The following SERPINB7 variants were observed in gnomAD, a reference collection of about 807,000 sequenced individuals.
SERPINB7 encodes the protein serpin family B member 7, also known as serpin B7.
In SERPINB7, 31 loss-of-function variants were observed where a neutral mutation model predicts 37.4. The observed-to-expected ratio is 0.83, with a 90% CI of 0.62 to 1.12. SERPINB7 has a LOEUF of 1.12. Among genes scored for constraint, SERPINB7 ranks in the 50% most tolerant of loss-of-function variants. The pLI, the probability that SERPINB7 is intolerant of heterozygous loss-of-function variation, is 0.00. For missense variants in SERPINB7, 521 were observed against 455.3 expected (o/e 1.14, Z -1.31); for synonymous variants, 163 against 166.1 (o/e 0.98, Z 0.14).
chr18:63,795,588 A>AAAAAG (rs1555695595), intron 4 of SERPINB7, among the ~76,000 whole-genome samples: 3 of 151,872 alleles, frequency 2.0e-5, no homozygotes, highest in East Asian at 1.9e-4. Context: ...AAAAAAAAAA[A>AAAAAG]AAAAGAAAAG....
rs768942347 is a variant in SERPINB7 at position 63,800,920 on chromosome 18, G to A, written c.652G>A (p.Val218Ile). 18 of 1,613,864 alleles carry A rather than the reference G, an allele frequency of 1.1e-5. No homozygotes were observed. Among genetic ancestry groups the A allele is most frequent in the Admixed American group, 1.7e-5 (1 of 59,990 alleles). Residue 218 changes from valine (V) to isoleucine (I), a missense_variant, in exon 7 of 8, where the codon GTT (valine) becomes ATT (isoleucine). Coordinates refer to ENST00000398019, the MANE Select transcript of SERPINB7 (RefSeq NM_003784.4). ...MHQERKFNLS[V>I]IEDPSMKILE... Reference sequence around the variant, plus strand: ...TCAGGAACGGAAGTTCAATTTGTCTGTTATTGAGGACCCATCAATGAAGAT... The same window carrying A: ...TCAGGAACGGAAGTTCAATTTGTCTATTATTGAGGACCCATCAATGAAGAT...
At chr18:63,763,051 C>A (rs548920536) in intron 1 of SERPINB7, among the ~76,000 whole-genome samples, 2 of 152,228 alleles carry the variant, frequency 1.3e-5, no homozygotes, top group East Asian at 3.9e-4. Context: ...TAGCATAAAA[C>A]ATACTCCTTT....
At chr18:63,794,115 T>A (rs1310471806) in intron 4 of SERPINB7, among the ~76,000 whole-genome samples, 1 of 139,176 alleles carries the variant, frequency 7.2e-6, no homozygotes, top group Non-Finnish European at 1.6e-5. Context: ...TGCTAATTTT[T>A]TTTTTTTTTT....
chr18:63,765,126 A>G (rs2049173865), intron 1 of SERPINB7, among the ~76,000 whole-genome samples: 1 of 152,162 alleles, frequency 6.6e-6, no homozygotes. Context: ...TGTAGATTCA[A>G]CTATGTGTGA....
At chr18:63,772,511 T>C (rs1310823874), upstream of SERPINB7, among the ~76,000 whole-genome samples, 5 of 152,102 alleles carry the variant, frequency 3.3e-5, no homozygotes, top group African/African-American at 1.2e-4. Flanking sequence ...TTTAGAATAT[T>C]TACTTTTTCA....
chr18:63,788,926 T>C (rs1480197125), intron 2 of SERPINB7, among the ~76,000 whole-genome samples: 1 of 152,226 alleles, frequency 6.6e-6, no homozygotes, highest in East Asian at 1.9e-4. Flanking sequence ...GAGTACACAC[T>C]GTAACATTCA....
intron 1 of SERPINB7, among the ~76,000 whole-genome samples, chr18:63,767,782 G>C (rs2144591615): frequency 6.6e-6 from 1 of 152,112 alleles, no homozygotes; most frequent in African/African-American, 2.4e-5. Flanking sequence ...AATTCTCTAA[G>C]AAGACCATCT....
intron 1 of SERPINB7, among the ~76,000 whole-genome samples, chr18:63,769,251 AG>A (rs1361649494): frequency 8.3e-6 from 1 of 120,164 alleles, no homozygotes; most frequent in Non-Finnish European, 2.1e-5. Context: ...TCTCTCTAAA[AG>A]TTTCTTTATT....
At chr18:63,785,915 A>C (rs1416905713) in intron 2 of SERPINB7, among the ~76,000 whole-genome samples, 1 of 116,458 alleles carries the variant, frequency 8.6e-6, no homozygotes, top group Non-Finnish European at 1.7e-5. Context: ...ATATATACAC[A>C]TATATAATAT....
At chr18:63,784,229 A>G (rs1254915462) in intron 2 of SERPINB7, among the ~76,000 whole-genome samples, 2 of 152,224 alleles carry the variant, frequency 1.3e-5, no homozygotes, top group African/African-American at 4.8e-5. Context: ...ATCTTCTACA[A>G]CTGGTTTTCT....
At chr18:63,790,269 C>T (rs571382860) in intron 2 of SERPINB7, among the ~76,000 whole-genome samples, 26 of 152,050 alleles carry the variant, frequency 1.7e-4, no homozygotes, top group Non-Finnish European at 1.9e-4. Flanking sequence ...TATAAACCTC[C>T]GTAAAATAAT....
chr18:63,793,218 G>A lies in SERPINB7; in HGVS notation c.277G>A (p.Asp93Asn). 6.2e-7 allele frequency: 1 copy of A among 1,609,652 alleles called. No individual in the cohort carries two copies. The highest frequency in any genetic ancestry group is 8.5e-7 in the Non-Finnish European group (1 of 1,177,492). The change falls in exon 4 of 8, where the codon GAT (aspartate) becomes AAT (asparagine). Residue 93 changes from aspartate (D) to asparagine (N), a missense_variant. Transcript: ENST00000398019. ...TTCTGATATAAATGCATCCCACAAG[G>A]ATTATGATCTCAGCATTGTGAATGG... ...VFSDINASHK[D>N]YDLSIVNGLF...
intron 1 of SERPINB7, among the ~76,000 whole-genome samples, chr18:63,763,407 A>G (rs1156545484): frequency 6.6e-6 from 1 of 152,190 alleles, no homozygotes; most frequent in African/African-American, 2.4e-5. Flanking sequence ...TCAATCTAAC[A>G]TGGTTTTATG....
chr18:63,799,619 A>T (rs1555696035), intron 6 of SERPINB7, among the ~76,000 whole-genome samples: 1 of 152,146 alleles, frequency 6.6e-6, no homozygotes, highest in Non-Finnish European at 1.5e-5. Context: ...CTCCAGCATA[A>T]CCCAGATGTG....
upstream of SERPINB7, among the ~76,000 whole-genome samples, chr18:63,774,290 A>C (rs2144598092): frequency 6.6e-6 from 1 of 152,130 alleles, no homozygotes; most frequent in East Asian, 1.9e-4. Context: ...GGAAAGAGGC[A>C]AAATTGCACA....
intron 6 of SERPINB7, among the ~76,000 whole-genome samples, chr18:63,799,558 T>A (rs1286488282): frequency 5.3e-5 from 8 of 152,232 alleles, no homozygotes; most frequent in Admixed American, 2.6e-4. Context: ...TGAATCTAGA[T>A]CTCTGATATC....
At chr18:63,783,222 G>GAAAGAAAGAA (rs1568207779) in intron 2 of SERPINB7, among the ~76,000 whole-genome samples, 17 of 67,284 alleles carry the variant, frequency 2.5e-4, no homozygotes, top group African/African-American at 9.6e-4. Flanking sequence ...GAGAGAGAGA[G>GAAAGAAAGAA]AGAGAGAGAG....
intron 1 of SERPINB7, among the ~76,000 whole-genome samples, chr18:63,778,341 A>T (rs2049270482): frequency 6.6e-6 from 1 of 152,178 alleles, no homozygotes; most frequent in Non-Finnish European, 1.5e-5. Flanking sequence ...GAGTATCTGT[A>T]TAGCATCGTA....
chr18:63,775,839 T>C (rs2049241904), intron 1 of SERPINB7, 123 bp downstream of exon 1: 1 of 152,162 alleles, frequency 6.6e-6, no homozygotes, highest in African/African-American at 2.4e-5. Context: ...CCAATGATCA[T>C]GCTCAGAGGC....
Sources: allele counts gnomAD v4.1 joint callset (sites outside exome capture counted in the v4.1 genomes callset), GRCh38; gene constraint gnomAD v4.1.1; transcripts MANE v1.5; gene names NCBI Gene and HGNC (gene_info 2026-07-23, HGNC 2026-07-21).